Variants in RBFOX1 observed in about 807,000 individuals in gnomAD.
The protein encoded by RBFOX1 is RNA binding fox-1 homolog 1, also known as RNA binding protein fox-1 homolog 1.
Under a neutral mutation model 57.7 loss-of-function variants are expected in RBFOX1, and 8 were observed. The observed-to-expected ratio is 0.14, with a 90% CI of 0.08 to 0.25. The LOEUF is 0.25. Among genes scored for constraint, RBFOX1 ranks in the 10% least tolerant of loss-of-function variants. The pLI, the probability that RBFOX1 is intolerant of heterozygous loss-of-function variation, is 1.00. For synonymous variants in RBFOX1, 326 were observed against 222.4 expected, an observed-to-expected ratio of 1.47 and a Z score of -4.15; for missense variants, 611 against 548.5, an observed-to-expected ratio of 1.11 and a Z score of -1.14.
intron 13 of RBFOX1, among the ~76,000 whole-genome samples, chr16:7,672,192 C>G (rs759026214): frequency 6.6e-6 from 1 of 152,124 alleles, no homozygotes; most frequent in African/African-American, 2.4e-5. Context: ...GCTAAAGCAA[C>G]CACCAACTGA....
chr16:7,224,296 T>C (rs1256707100), intron 4 of RBFOX1, among the ~76,000 whole-genome samples: 1 of 152,170 alleles, frequency 6.6e-6, no homozygotes, highest in African/African-American at 2.4e-5. Context: ...TTTCTCTAAA[T>C]GTTAGTAATA....
At chr16:7,269,969 T>A (rs896780054) in intron 4 of RBFOX1, among the ~76,000 whole-genome samples, 4 of 152,246 alleles carry the variant, frequency 2.6e-5, no homozygotes, top group Admixed American at 2.6e-4. Context: ...AAATTGGTAT[T>A]GCCCTGTTTA....
At chr16:6,656,859 CTT>C (rs1568077305) in intron 3 of RBFOX1, among the ~76,000 whole-genome samples, 1 of 150,326 alleles carries the variant, frequency 6.7e-6, no homozygotes, top group African/African-American at 2.5e-5. Context: ...AAAAAAGAGT[CTT>C]TTAAACAAGG....
rs1436624184 is a variant in RBFOX1, at chr16:5,921,994, A to C, written c.351+54659A>C. Among the ~76,000 whole-genome samples the C allele has an allele frequency of 2.0e-5, 3 of 151,904 alleles. No homozygotes were observed. The East Asian group carries it at 5.8e-4, about 29-fold the overall frequency. ...CAGCTGGACGCCATCTTCACAAAAA[A>C]AAAACAAAAAAGAAAAATTCGCCGG... is the stretch of plus-strand genomic sequence containing the variant. On this transcript the variant is annotated intron_variant, in intron 4 of 19. Coordinates refer to the RBFOX1 transcript ENST00000641259.
At chr16:6,679,878 G>GTTTTTTTTTTTT (rs71145274) in intron 3 of RBFOX1, among the ~76,000 whole-genome samples, 6 of 114,304 alleles carry the variant, frequency 5.2e-5, no homozygotes, top group African/African-American at 1.6e-4. Flanking sequence ...GTTTCTACTT[G>GTTTTTTTTTTTT]TTTTTTTTTT....
chr16:5,966,713 G>T (rs994966125), intron 4 of RBFOX1, among the ~76,000 whole-genome samples: 9 of 152,068 alleles, frequency 5.9e-5, no homozygotes, highest in Non-Finnish European at 1.2e-4. Context: ...GTACCAAGAG[G>T]ATGGTGCTAA....
chr16:5,533,754 A>G (rs914056740), intron 2 of RBFOX1, among the ~76,000 whole-genome samples: 1 of 152,176 alleles, frequency 6.6e-6, no homozygotes, highest in Non-Finnish European at 1.5e-5. Context: ...GGAAATCTGA[A>G]GTCAGCAAAG....
chr16:6,559,678 A>G (rs2097153987), intron 2 of RBFOX1, among the ~76,000 whole-genome samples: 2 of 152,170 alleles, frequency 1.3e-5, no homozygotes, highest in Admixed American at 6.6e-5. Context: ...AAATAAGTAC[A>G]TAGGTATATA....
chr16:5,829,581 A>T (rs1178911621), intron 3 of RBFOX1, among the ~76,000 whole-genome samples: 1 of 151,974 alleles, frequency 6.6e-6, no homozygotes, highest in Admixed American at 6.6e-5. Context: ...CTCCTCCAAC[A>T]TCCCCCTCCA....
At chr16:5,919,816 C>G (rs533899585) in intron 4 of RBFOX1, among the ~76,000 whole-genome samples, 49 of 152,198 alleles carry the variant, frequency 3.2e-4, no homozygotes, top group Non-Finnish European at 4.7e-4. Flanking sequence ...CATCTACTTT[C>G]TATAGATTCA....
At chr16:6,637,004 T>C (rs1276211170) in intron 2 of RBFOX1, among the ~76,000 whole-genome samples, 1 of 123,360 alleles carries the variant, frequency 8.1e-6, no homozygotes, top group East Asian at 2.2e-4. Context: ...GTATAAAATA[T>C]GTATAAATAT....
chr16:6,598,349 T>C (rs1365448059), intron 2 of RBFOX1, among the ~76,000 whole-genome samples: 1 of 152,222 alleles, frequency 6.6e-6, no homozygotes, highest in Non-Finnish European at 1.5e-5. Context: ...ATGGACCTGA[T>C]TTATTTAATA....
intron 1 of RBFOX1, among the ~76,000 whole-genome samples, chr16:6,117,642 C>G (rs1472898956): frequency 1.3e-5 from 2 of 152,362 alleles, no homozygotes; most frequent in South Asian, 2.1e-4. Flanking sequence ...AGCTTTCACT[C>G]AACAACTGAG....
At chr16:7,255,115 A>G (rs989021078) in intron 4 of RBFOX1, among the ~76,000 whole-genome samples, 1 of 152,216 alleles carries the variant, frequency 6.6e-6, no homozygotes, top group Non-Finnish European at 1.5e-5. Flanking sequence ...ATGTGCCAAA[A>G]ATAACCCCAT....
chr16:6,814,754 A>G (rs1385445396), intron 3 of RBFOX1, among the ~76,000 whole-genome samples: 2 of 151,976 alleles, frequency 1.3e-5, no homozygotes, highest in African/African-American at 4.8e-5. Context: ...ACCCTGGGGG[A>G]GAGGTGGGGC....
intron 1 of RBFOX1, among the ~76,000 whole-genome samples, chr16:5,292,722 C>G (rs1282341146): frequency 1.3e-5 from 2 of 152,068 alleles, no homozygotes; most frequent in African/African-American, 2.4e-5. Context: ...CTCACTGGTT[C>G]AAGCGATTCT....
intron 4 of RBFOX1, among the ~76,000 whole-genome samples, chr16:7,176,882 G>T (rs1454377625): frequency 2.0e-5 from 3 of 152,138 alleles, no homozygotes; most frequent in African/African-American, 7.2e-5. Flanking sequence ...GGAATGGGGG[G>T]AGAGGAAAAT....
intron 3 of RBFOX1, among the ~76,000 whole-genome samples, chr16:6,824,678 C>A (rs898828201): frequency 5.9e-5 from 9 of 152,104 alleles, no homozygotes; most frequent in Non-Finnish European, 1.0e-4. Context: ...CACTCACTAC[C>A]TTGAAATAAT....
intron 3 of RBFOX1, among the ~76,000 whole-genome samples, chr16:6,750,394 TAGC>T (rs2074695771): frequency 6.6e-6 from 1 of 152,186 alleles, no homozygotes; most frequent in East Asian, 1.9e-4. Flanking sequence ...GGGCTTAAAA[TAGC>T]AGCAGAAGCT....
Sources: allele counts gnomAD v4.1 joint callset (sites outside exome capture counted in the v4.1 genomes callset), GRCh38; gene constraint gnomAD v4.1.1; transcripts MANE v1.5; gene names NCBI Gene and HGNC (gene_info 2026-07-23, HGNC 2026-07-21).